Variants in PLCB4 observed in about 807,000 individuals in gnomAD.
PLCB4 encodes phospholipase C beta 4, also known as 1-phosphatidylinositol 4,5-bisphosphate phosphodiesterase beta-4.
PLCB4 carries 77 observed loss-of-function variants against 178.8 expected under a neutral mutation model. That is an observed-to-expected ratio of 0.43 (90% CI 0.36 to 0.52). The LOEUF (loss-of-function observed/expected upper bound fraction) is 0.52, where lower values mean the gene tolerates loss of function less well. Ranked by LOEUF, PLCB4 falls within the 20% of genes least tolerant of loss-of-function variation. The pLI is 0.00. For synonymous variants in PLCB4, 496 were observed against 490.8 expected (o/e 1.01, Z -0.14); for missense variants, 1,024 against 1,453.4 (o/e 0.70, Z 4.80).
At chr20:9,201,263 C>T (rs1453104287) in intron 2 of PLCB4, among the ~76,000 whole-genome samples, 1 of 152,142 alleles carries the variant, frequency 6.6e-6, no homozygotes, top group African/African-American at 2.4e-5. Context: ...ATATGCTTGA[C>T]AAACTGCCTT....
At chr20:9,213,209 A>G (rs1401723696) in intron 2 of PLCB4, among the ~76,000 whole-genome samples, 1 of 126,718 alleles carries the variant, frequency 7.9e-6, no homozygotes, top group Admixed American at 9.2e-5. Context: ...GTGCAGTGCA[A>G]TCTCGGCTCA....
At chr20:9,162,946 T>C (rs893879262) in intron 2 of PLCB4, among the ~76,000 whole-genome samples, 1 of 152,158 alleles carries the variant, frequency 6.6e-6, no homozygotes, top group African/African-American at 2.4e-5. Flanking sequence ...GTGGAGGTGA[T>C]TTGTATTTTT....
intron 3 of PLCB4, among the ~76,000 whole-genome samples, chr20:9,298,187 T>C (rs1336742974): frequency 1.3e-5 from 2 of 151,942 alleles, no homozygotes; most frequent in Non-Finnish European, 2.9e-5. Context: ...CTTTCTCAGT[T>C]CCCCCCAGTT....
At chr20:9,297,218 A>C (rs1006956131) in intron 3 of PLCB4, among the ~76,000 whole-genome samples, 1 of 151,944 alleles carries the variant, frequency 6.6e-6, no homozygotes, top group East Asian at 1.9e-4. Flanking sequence ...GCATGCTATC[A>C]AAAAAATTTC....
chr20:9,139,333 TGTG>T (rs893576769), intron 2 of PLCB4, among the ~76,000 whole-genome samples: 2 of 152,110 alleles, frequency 1.3e-5, no homozygotes, highest in African/African-American at 2.4e-5. Context: ...TTCTGTTTCA[TGTG>T]GTGTTGGCTG....
At chr20:9,302,814 C>G (rs1449048068) in intron 3 of PLCB4, among the ~76,000 whole-genome samples, 1 of 151,686 alleles carries the variant, frequency 6.6e-6, no homozygotes, top group Non-Finnish European at 1.5e-5. Flanking sequence ...TCTAGGAGAA[C>G]CAGAGTTAAA....
intron 2 of PLCB4, among the ~76,000 whole-genome samples, chr20:9,191,345 ATTTTTTTTTTTTTTT>A (rs71184136): frequency 3.4e-5 from 2 of 58,842 alleles, no homozygotes; most frequent in Non-Finnish European, 5.9e-5. Context: ...CTAGATAGGC[ATTTTTTTTTTTTTTT>A]TTTTTTTTTT....
intron 2 of PLCB4, among the ~76,000 whole-genome samples, chr20:9,210,641 CTG>C (rs2093663239): frequency 6.6e-6 from 1 of 152,130 alleles, no homozygotes; most frequent in Non-Finnish European, 1.5e-5. Context: ...AGCTGGGAGT[CTG>C]TATATTTATG....
At chr20:9,460,188 G>A (rs1276005689) in intron 35 of PLCB4, among the ~76,000 whole-genome samples, 2 of 152,212 alleles carry the variant, frequency 1.3e-5, no homozygotes, top group Non-Finnish European at 2.9e-5. Flanking sequence ...AGATAACAAA[G>A]TAGCATATGA....
chr20:9,398,660 T>A (rs538625993), intron 19 of PLCB4, among the ~76,000 whole-genome samples: 2 of 151,912 alleles, frequency 1.3e-5, no homozygotes, highest in East Asian at 3.9e-4. Flanking sequence ...TATGGCCTTA[T>A]CTAACCTGTA....
At chr20:9,335,212 T>G (rs2148048176) in intron 4 of PLCB4, among the ~76,000 whole-genome samples, 1 of 152,298 alleles carries the variant, frequency 6.6e-6, no homozygotes, top group Non-Finnish European at 1.5e-5. Context: ...TTGATAATTC[T>G]CATTTTTTTA....
chr20:9,441,023 A>G (rs1222262145), intron 30 of PLCB4, among the ~76,000 whole-genome samples: 1 of 152,210 alleles, frequency 6.6e-6, no homozygotes, highest in Non-Finnish European at 1.5e-5. Context: ...TAAAGTAGAG[A>G]TGAAGATTTC....
At chr20:9,355,249 T>A (rs1235232576) in intron 7 of PLCB4, among the ~76,000 whole-genome samples, 3 of 152,156 alleles carry the variant, frequency 2.0e-5, no homozygotes, top group Admixed American at 6.5e-5. Context: ...ATGAAATGAT[T>A]TCATTTGCCA....
At chr20:9,294,001 G>A (rs904926372) in intron 3 of PLCB4, among the ~76,000 whole-genome samples, 1 of 152,096 alleles carries the variant, frequency 6.6e-6, no homozygotes, top group Non-Finnish European at 1.5e-5. Context: ...AGGTGGTGAG[G>A]GAAGATGCTG....
At chr20:9,082,719 T>A (rs2090212426) in intron 1 of PLCB4, among the ~76,000 whole-genome samples, 1 of 152,194 alleles carries the variant, frequency 6.6e-6, no homozygotes, top group Admixed American at 6.5e-5. Flanking sequence ...TGTGAGGCCC[T>A]CTGAGAATCT....
Position 9,409,066 on chromosome 20 carries a change from A to G in PLCB4, c.1884A>G (p.Lys628=). 6.2e-7 allele frequency: 1 copy of G among 1,610,214 alleles called. No homozygotes were observed. The highest frequency in any genetic ancestry group is 8.5e-7 in the Non-Finnish European group (1 of 1,179,178). The part of the protein sequence containing the change: ...THAIEFVNYN[K]RQMSRIYPKG... ...CCTTAATAAGTTACAGTTATAACAA[A>G]CGGCAAATGAGTCGCATTTACCCCA... Residue 628 remains lysine, a synonymous_variant, in exon 24 of 40, where the codon AAA becomes AAG. Coordinates refer to ENST00000378473, the MANE Select transcript of PLCB4 (RefSeq NM_001377142.1).
rs1407999298 is a variant in PLCB4 at position 9,338,028 on chromosome 20, C to T, written c.186C>T (p.Cys62=). The T allele has an allele frequency of 1.9e-6, 3 of 1,611,724 alleles. No individual in the cohort carries two copies. The highest frequency in any genetic ancestry group is 2.5e-6 in the Non-Finnish European group (3 of 1,178,202). ...TTCAGGAAGGACAGGTGCTAGAATG[C>T]TCCCTCATCAACAGTATTCGGTCGG... ...SEGKEGQVLE[C]SLINSIRSGA... The change falls in exon 6 of 40, where the codon TGC becomes TGT. Residue 62 remains cysteine, a synonymous_variant. Transcript: ENST00000378473.
At chr20:9,338,572 G>A (rs2032793732) in intron 6 of PLCB4, among the ~76,000 whole-genome samples, 1 of 151,876 alleles carries the variant, frequency 6.6e-6, no homozygotes, top group Non-Finnish European at 1.5e-5. Context: ...AACTACTCAG[G>A]AGGCTGCGGT....
At chr20:9,272,865 G>C (rs1176087745) in intron 3 of PLCB4, among the ~76,000 whole-genome samples, 1 of 150,562 alleles carries the variant, frequency 6.6e-6, no homozygotes, top group Admixed American at 6.6e-5. Context: ...CTTACCTTGT[G>C]AGCTTCTGGT....
Sources: gnomAD v4.1 joint callset for allele counts (sites outside exome capture counted in the v4.1 genomes callset) on GRCh38, gnomAD v4.1.1 for gene constraint, MANE v1.5 for transcripts, NCBI Gene and HGNC (gene_info 2026-07-23, HGNC 2026-07-21) for gene names.